BLTP3B: variants seen among roughly 807,000 people sequenced by gnomAD.
BLTP3B encodes bridge-like lipid transfer protein family member 3B, also known as UHRF1 (ICBP90) binding protein 1-like.
the BLTP3B span, among the ~76,000 whole-genome samples, chr12:100,076,875 T>C: frequency 6.6e-6 from 1 of 152,206 alleles, no homozygotes; most frequent in Non-Finnish European, 1.5e-5. Flanking sequence ...TAAAAACCTA[T>C]TCGAATTGGG....
the BLTP3B span, chr12:100,098,232 A>C: frequency 3.2e-5 from 36 of 1,116,956 alleles, no homozygotes; most frequent in South Asian, 5.9e-4. Context: ...CACCCTCCCC[A>C]AAAAAAGTAA....
chr12:100,111,159 A>G, the BLTP3B span, among the ~76,000 whole-genome samples: 1 of 152,116 alleles, frequency 6.6e-6, no homozygotes, highest in African/African-American at 2.4e-5. Context: ...TTATAAAGAA[A>G]TGTTTATATT....
the BLTP3B span, among the ~76,000 whole-genome samples, chr12:100,126,617 TA>T: frequency 5.0e-4 from 76 of 151,192 alleles, no homozygotes; most frequent in East Asian, 1.9e-3. Context: ...AATTTTTTAT[TA>T]AAAAAAAAGC....
the BLTP3B span, among the ~76,000 whole-genome samples, chr12:100,126,370 G>A: frequency 2.0e-5 from 3 of 151,848 alleles, no homozygotes; most frequent in Middle Eastern, 3.4e-3. Context: ...CCAAGCCAAC[G>A]AATATGGGTT....
chr12:100,072,517 G>A, the BLTP3B span, among the ~76,000 whole-genome samples: 1 of 152,032 alleles, frequency 6.6e-6, no homozygotes, highest in African/African-American at 2.4e-5. Context: ...GATCAGCCTG[G>A]GCAACACAGT....
At chr12:100,055,166 T>C in the BLTP3B span, among the ~76,000 whole-genome samples, 1 of 152,118 alleles carries the variant, frequency 6.6e-6, no homozygotes, top group Non-Finnish European at 1.5e-5. Flanking sequence ...TTGTGTCAGA[T>C]AGAAGAGCTC....
the BLTP3B span, chr12:100,104,076 A>G: frequency 2.8e-3 from 1,672 of 591,110 alleles, 17 homozygotes; most frequent in Middle Eastern, 8.2e-3. Flanking sequence ...CACTTTTCTT[A>G]AACTACAAAA....
the BLTP3B span, among the ~76,000 whole-genome samples, chr12:100,076,118 A>T: frequency 9.1e-5 from 12 of 131,386 alleles, no homozygotes; most frequent in African/African-American, 1.0e-4. Flanking sequence ...AGTTGAAATT[A>T]AAAAAAAAAA....
the BLTP3B span, among the ~76,000 whole-genome samples, chr12:100,049,753 CA>C: frequency 6.6e-6 from 1 of 152,080 alleles, no homozygotes; most frequent in Non-Finnish European, 1.5e-5. Flanking sequence ...GCAAGAAAAA[CA>C]AGAGTGAACT....
the BLTP3B span, among the ~76,000 whole-genome samples, chr12:100,047,224 G>A: frequency 0.1 from 15,884 of 152,218 alleles, 1,054 homozygotes; most frequent in African/African-American, 0.19. Context: ...TCGGCTGGGC[G>A]AGGTGGCTCG....
chr12:100,107,910 A>G, the BLTP3B span, among the ~76,000 whole-genome samples: 1 of 151,578 alleles, frequency 6.6e-6, no homozygotes, highest in African/African-American at 2.4e-5. Flanking sequence ...CTATTTTTTT[A>G]TTTTTATTTT....
At chr12:100,108,467 A>G in the BLTP3B span, 1 of 1,613,732 alleles carries the variant, frequency 6.2e-7, no homozygotes, top group South Asian at 1.1e-5. Context: ...GTACTTCTTC[A>G]TCCAACTCCA....
the BLTP3B span, among the ~76,000 whole-genome samples, chr12:100,055,210 C>T: frequency 6.6e-6 from 1 of 152,106 alleles, no homozygotes; most frequent in African/African-American, 2.4e-5. Context: ...GGTTCAAATG[C>T]TAAACTCTAC....
chr12:100,080,649 A>G, the BLTP3B span, among the ~76,000 whole-genome samples: 1 of 152,200 alleles, frequency 6.6e-6, no homozygotes, highest in Non-Finnish European at 1.5e-5. Flanking sequence ...CTAGGAAATA[A>G]CTGAATTGCT....
the BLTP3B span, among the ~76,000 whole-genome samples, chr12:100,130,982 G>GGAGGGAGAGA: frequency 3.1e-4 from 19 of 62,214 alleles, no homozygotes; most frequent in South Asian, 6.4e-4. Flanking sequence ...AGAGAGGGAG[G>GGAGGGAGAGA]GAGAGAGAGA....
At chr12:100,087,523 T>C in the BLTP3B span, among the ~76,000 whole-genome samples, 3 of 152,312 alleles carry the variant, frequency 2.0e-5, no homozygotes, top group Non-Finnish European at 2.9e-5. Flanking sequence ...GGATATACCA[T>C]GCAACACTCT....
the BLTP3B span, among the ~76,000 whole-genome samples, chr12:100,102,161 G>T: frequency 6.7e-6 from 1 of 149,152 alleles, no homozygotes. Context: ...CAAGGCTGGA[G>T]TGCAATGGCG....
chr12:100,123,324 TA>T, the BLTP3B span, among the ~76,000 whole-genome samples: 2 of 152,080 alleles, frequency 1.3e-5, no homozygotes, highest in Admixed American at 1.3e-4. Context: ...AAAAACAATT[TA>T]AAAAAATGGT....
At chr12:100,047,023 G>A in the BLTP3B span, among the ~76,000 whole-genome samples, 8 of 152,036 alleles carry the variant, frequency 5.3e-5, no homozygotes, top group East Asian at 1.5e-3. Flanking sequence ...CTATATATGA[G>A]GTTTTTTCCA....
Sources: allele counts gnomAD v4.1 joint callset (sites outside exome capture counted in the v4.1 genomes callset), GRCh38; gene constraint gnomAD v4.1.1; transcripts MANE v1.5; gene names NCBI Gene and HGNC (gene_info 2026-07-23, HGNC 2026-07-21).